The following LRRC8B variants were observed in gnomAD, a reference collection of about 807,000 sequenced individuals.
LRRC8B encodes volume-regulated anion channel subunit LRRC8B.
Under a neutral mutation model 58.8 loss-of-function variants are expected in LRRC8B, and 23 were observed. The ratio of observed to expected loss-of-function variants is 0.39; its 90% CI spans 0.28 to 0.55. LRRC8B has a LOEUF of 0.55. Among genes scored for constraint, LRRC8B ranks in the 20% least tolerant of loss-of-function variants. The pLI is 0.62. For synonymous variants in LRRC8B, 359 were observed against 374.1 expected (o/e 0.96, Z 0.47); for missense variants, 694 against 936.0 (o/e 0.74, Z 3.37).
At chr1:89,581,662 G>A (rs750504763) in intron 4 of LRRC8B, among the ~76,000 whole-genome samples, 3 of 152,124 alleles carry the variant, frequency 2.0e-5, no homozygotes, top group Non-Finnish European at 4.4e-5. Flanking sequence ...TTTCCTGAAG[G>A]CAAAAGTAAT....
At chr1:89,538,602 G>T (rs908748352) in intron 1 of LRRC8B, among the ~76,000 whole-genome samples, 1 of 152,140 alleles carries the variant, frequency 6.6e-6, no homozygotes, top group Non-Finnish European at 1.5e-5. Context: ...TCAACTTTTA[G>T]TACTACAAAG....
Position 89,594,488 on chromosome 1 carries a change from T to C in LRRC8B, c.*1445T>C, listed in dbSNP as rs530636226. The C allele has an allele frequency of 1.3e-5, 2 of 152,324 alleles. No individual in the cohort carries two copies. The highest frequency in any genetic ancestry group is 1.9e-4 in the East Asian group (1 of 5,192). 9.4% of individuals were successfully genotyped at this position (152,324 alleles called of 1,614,324 possible). A position where few individuals can be genotyped will look rare whatever the true frequency, so the allele number is the denominator to read the frequency against. On this transcript the variant is annotated 3_prime_UTR_variant, in exon 6 of 6. Transcript: ENST00000330947. ...TTTTTAAATTGATTTTAAAATACTT[T>C]ATAGAAATTTAGTAAGAGTTAAAGC...
intron 3 of LRRC8B, among the ~76,000 whole-genome samples, chr1:89,576,943 A>G (rs576234696): frequency 9.8e-4 from 122 of 124,268 alleles, no homozygotes; most frequent in Admixed American, 3.4e-3. Flanking sequence ...AAAGGGGCAT[A>G]TTAATCAGAG....
chr1:89,530,398 A>AAT (rs60856167), intron 1 of LRRC8B, among the ~76,000 whole-genome samples: 4 of 151,382 alleles, frequency 2.6e-5, no homozygotes, highest in African/African-American at 9.7e-5. Flanking sequence ...TAAATAAATA[A>AAT]GAGTATATAA....
intron 1 of LRRC8B, chr1:89,559,073 A>T (rs1212682097): frequency 6.6e-6 from 1 of 152,132 alleles, no homozygotes; most frequent in Non-Finnish European, 1.5e-5. Context: ...CGGTAGATGC[A>T]GTTTGGGACA....
intron 1 of LRRC8B, among the ~76,000 whole-genome samples, chr1:89,540,386 G>A (rs551684532): frequency 3.3e-5 from 5 of 152,066 alleles, no homozygotes; most frequent in East Asian, 1.9e-4. Flanking sequence ...TTTACTTGAC[G>A]AGCAAAAGAA....
chr1:89,566,719 C>T (rs1317662225), intron 1 of LRRC8B, among the ~76,000 whole-genome samples: 1 of 152,196 alleles, frequency 6.6e-6, no homozygotes, highest in African/African-American at 2.4e-5. Flanking sequence ...ACCATCTCTC[C>T]TGACAAGAAA....
chr1:89,587,039 C>T (rs1166074128), intron 5 of LRRC8B, among the ~76,000 whole-genome samples: 1 of 152,136 alleles, frequency 6.6e-6, no homozygotes, highest in Non-Finnish European at 1.5e-5. Context: ...GGAATAGCTA[C>T]AGTGTTAGAA....
chr1:89,580,741 A>T (rs1249047398), intron 4 of LRRC8B, among the ~76,000 whole-genome samples: 1 of 152,200 alleles, frequency 6.6e-6, no homozygotes, highest in African/African-American at 2.4e-5. Flanking sequence ...AGGTCCTAGG[A>T]GGAAGGTGAA....
intron 3 of LRRC8B, among the ~76,000 whole-genome samples, chr1:89,575,811 T>A (rs1315536482): frequency 6.6e-6 from 1 of 152,192 alleles, no homozygotes; most frequent in East Asian, 1.9e-4. Context: ...TGCCTCTCCG[T>A]GGACCTCTTT....
intron 1 of LRRC8B, among the ~76,000 whole-genome samples, chr1:89,551,785 T>A (rs1458896570): frequency 6.6e-6 from 1 of 152,198 alleles, no homozygotes; most frequent in African/African-American, 2.4e-5. Flanking sequence ...AGACAAGCTC[T>A]GAATGAGACC....
intron 1 of LRRC8B, among the ~76,000 whole-genome samples, chr1:89,530,381 T>TAATAAATA (rs150494551): frequency 0.01 from 1,476 of 147,556 alleles, 23 homozygotes; most frequent in African/African-American, 0.034. Flanking sequence ...AATAAATAAA[T>TAATAAATA]AATAAATAAA....
chr1:89,537,458 G>GT (rs1243965009), intron 1 of LRRC8B, among the ~76,000 whole-genome samples: 1 of 152,048 alleles, frequency 6.6e-6, no homozygotes, highest in South Asian at 2.1e-4. Flanking sequence ...GGATTGGTGT[G>GT]TTTTTTGTTT....
chr1:89,585,739 G>A (rs1654578789), intron 5 of LRRC8B, among the ~76,000 whole-genome samples: 1 of 152,052 alleles, frequency 6.6e-6, no homozygotes, highest in South Asian at 2.1e-4. Context: ...AACCCGGGAG[G>A]TGGAGTTGCA....
At chr1:89,566,259 A>AT (rs1160218871) in intron 1 of LRRC8B, among the ~76,000 whole-genome samples, 2 of 152,224 alleles carry the variant, frequency 1.3e-5, no homozygotes, top group Non-Finnish European at 1.5e-5. Context: ...TGGAACGCAG[A>AT]TGAAGGAGCA....
At chr1:89,538,403 G>C (rs1422170835) in intron 1 of LRRC8B, among the ~76,000 whole-genome samples, 1 of 152,198 alleles carries the variant, frequency 6.6e-6, no homozygotes, top group East Asian at 1.9e-4. Context: ...AGACAGGAGA[G>C]AATGTTCCTC....
chr1:89,560,183 G>A (rs938797677), intron 1 of LRRC8B, among the ~76,000 whole-genome samples: 2 of 152,108 alleles, frequency 1.3e-5, no homozygotes, highest in African/African-American at 4.8e-5. Flanking sequence ...CACCTAGTTG[G>A]GTATTCATTT....
At chr1:89,527,436 T>C (rs947141319) in intron 1 of LRRC8B, among the ~76,000 whole-genome samples, 1 of 152,254 alleles carries the variant, frequency 6.6e-6, no homozygotes, top group African/African-American at 2.4e-5. Context: ...TTGCATTGCC[T>C]TGCATGGAGC....
At chr1:89,571,745 G>A (rs974466791) in intron 3 of LRRC8B, among the ~76,000 whole-genome samples, 2 of 152,106 alleles carry the variant, frequency 1.3e-5, no homozygotes, top group African/African-American at 2.4e-5. Flanking sequence ...TGGTGAGAGA[G>A]GGGATTATTG....
Sources: gnomAD v4.1 joint callset for allele counts (sites outside exome capture counted in the v4.1 genomes callset) on GRCh38, gnomAD v4.1.1 for gene constraint, MANE v1.5 for transcripts, NCBI Gene and HGNC (gene_info 2026-07-23, HGNC 2026-07-21) for gene names.